Variants in SCLT1 observed in about 807,000 individuals in gnomAD.
The protein encoded by SCLT1 is sodium channel-associated protein 1.
A neutral mutation model predicts 112.8 loss-of-function variants in SCLT1; 78 were observed. The observed-to-expected ratio is 0.69, with a 90% confidence interval of 0.58 to 0.83. The LOEUF (loss-of-function observed/expected upper bound fraction) is 0.83. SCLT1 is among the 40% of genes least tolerant of loss of function. The pLI, the probability that SCLT1 is intolerant of heterozygous loss-of-function variation, is 0.00. For missense variants in SCLT1, 747 were observed against 770.4 expected, an observed-to-expected ratio of 0.97 and a Z score of 0.36; for synonymous variants, 257 against 254.7, an observed-to-expected ratio of 1.01 and a Z score of -0.09.
intron 17 of SCLT1, 100 bp downstream of exon 17, chr4:128,942,894 CAA>C: frequency 9.3e-6 from 7 of 749,834 alleles, no homozygotes; most frequent in South Asian, 3.9e-5. Context: ...GATGAGAAGG[CAA>C]AAAAAAAGGG....
chr4:128,986,496 G>A (rs1454779799), intron 9 of SCLT1, among the ~76,000 whole-genome samples: 4 of 152,182 alleles, frequency 2.6e-5, no homozygotes. Context: ...AGCAGTGGCA[G>A]CCAAAGGATT....
chr4:128,877,324 G>A (rs1414206871), intron 3 of SCLT1, among the ~76,000 whole-genome samples: 1 of 152,018 alleles, frequency 6.6e-6, no homozygotes, highest in African/African-American at 2.4e-5. Context: ...GTAGATCTGG[G>A]ATTCAATCCC....
intron 17 of SCLT1, among the ~76,000 whole-genome samples, chr4:128,937,139 G>C (rs144801709): frequency 1.3e-5 from 2 of 151,870 alleles, no homozygotes; most frequent in East Asian, 3.9e-4. Context: ...TTAGCTGGGC[G>C]TGATGGCACA....
At chr4:129,066,247 T>G (rs977561329) in intron 2 of SCLT1, among the ~76,000 whole-genome samples, 3 of 152,028 alleles carry the variant, frequency 2.0e-5, no homozygotes, top group Admixed American at 6.5e-5. Flanking sequence ...GTTTACTATG[T>G]TTTAATGACC....
intron 15 of SCLT1, among the ~76,000 whole-genome samples, chr4:128,947,522 C>T (rs919439575): frequency 6.6e-6 from 1 of 152,052 alleles, no homozygotes; most frequent in Non-Finnish European, 1.5e-5. Context: ...CGCTACATAG[C>T]TCTCCTTTGA....
intron 9 of SCLT1, among the ~76,000 whole-genome samples, chr4:128,977,900 A>G (rs1741314106): frequency 6.6e-6 from 1 of 152,130 alleles, no homozygotes; most frequent in Non-Finnish European, 1.5e-5. Context: ...ATGAATTGCG[A>G]TGGAATAAGA....
chr4:128,963,821 G>A (rs1264305021), intron 11 of SCLT1, among the ~76,000 whole-genome samples: 1 of 152,070 alleles, frequency 6.6e-6, no homozygotes, highest in African/African-American at 2.4e-5. Context: ...AAAAGGCATT[G>A]TTAATGTGGG....
intron 18 of SCLT1, among the ~76,000 whole-genome samples, chr4:128,899,331 C>G (rs1734067318): frequency 6.6e-6 from 1 of 152,208 alleles, no homozygotes; most frequent in African/African-American, 2.4e-5. Context: ...CCACCATGAT[C>G]AAGTGGGCTT....
At chr4:129,057,473 A>T (rs1749519196) in intron 2 of SCLT1, among the ~76,000 whole-genome samples, 1 of 145,332 alleles carries the variant, frequency 6.9e-6, no homozygotes, top group Non-Finnish European at 1.5e-5. Flanking sequence ...GGCGTGCGCC[A>T]TCATGCCCAG....
chr4:128,912,508 T>G (rs1735178420), intron 18 of SCLT1, among the ~76,000 whole-genome samples: 1 of 152,212 alleles, frequency 6.6e-6, no homozygotes, highest in South Asian at 2.1e-4. Context: ...GTGAAAATAC[T>G]TCAGTAGATA....
chr4:128,911,974 G>A (rs1735132473), intron 18 of SCLT1, among the ~76,000 whole-genome samples: 1 of 152,190 alleles, frequency 6.6e-6, no homozygotes, highest in Non-Finnish European at 1.5e-5. Flanking sequence ...TTTTCAGGGG[G>A]AAAGCTTTGA....
Position 128,943,043 on chromosome 4 carries a change from T to C in SCLT1, c.1585A>G (p.Ser529Gly). 1 of 1,613,140 alleles carries C rather than the reference T, an allele frequency of 6.2e-7. No individual in the cohort carries two copies. The highest frequency in any genetic ancestry group is 1.7e-5 in the Admixed American group (1 of 59,946). Residue 529 changes from serine to glycine, a missense_variant, in exon 17 of 21, where the codon AGT becomes GGT. This residue lies in a region of SCLT1 where 723 missense variants were observed against 721.3 expected (regional missense o/e 1.00). Coordinates refer to ENST00000281142, the MANE Select transcript of SCLT1 (RefSeq NM_144643.4). ...GCCTCCAGGGCAATCTTCCTTAAAC[T>C]CTCAGTCTCTTTCCGTAACTGTTTA... ...ENKQLRKETE[S>G]LRKIALEAQK...
intron 18 of SCLT1, among the ~76,000 whole-genome samples, chr4:128,922,030 C>T (rs925736955): frequency 3.3e-5 from 5 of 152,110 alleles, no homozygotes; most frequent in Non-Finnish European, 7.4e-5. Flanking sequence ...ATGCGGCCAA[C>T]AAGCATATGA....
At chr4:128,898,453 T>A (rs907353990) in intron 18 of SCLT1, among the ~76,000 whole-genome samples, 1 of 152,044 alleles carries the variant, frequency 6.6e-6, no homozygotes, top group Non-Finnish European at 1.5e-5. Flanking sequence ...AAGGCAGAAA[T>A]AAAGATGTTC....
chr4:128,973,817 G>C (rs1003797681), intron 9 of SCLT1, among the ~76,000 whole-genome samples: 2 of 151,950 alleles, frequency 1.3e-5, no homozygotes, highest in South Asian at 4.2e-4. Context: ...CTATTTTTTT[G>C]GGGGGAAATA....
At chr4:128,950,190 T>G (rs1738599445) in intron 14 of SCLT1, among the ~76,000 whole-genome samples, 1 of 152,170 alleles carries the variant, frequency 6.6e-6, no homozygotes, top group Non-Finnish European at 1.5e-5. Flanking sequence ...GGATTTTACC[T>G]ACATTCGTAA....
Position 128,952,822 on chromosome 4 carries a change from G to T in SCLT1, c.1165C>A (p.Gln389Lys). 1 of 1,557,240 alleles carries T rather than the reference G, an allele frequency of 6.4e-7. No homozygotes were observed. The highest frequency in any genetic ancestry group is 8.9e-7 in the Non-Finnish European group (1 of 1,128,592). Residue 389 changes from glutamine to lysine, a missense_variant, in exon 14 of 21, where the codon CAA becomes AAA. Around this residue, in one of 2 missense-constraint regions of SCLT1, gnomAD observed 723 missense variants for 721.3 expected, o/e 1.00. Transcript: ENST00000281142. Reference sequence around the variant, plus strand: ...AATCGAGAAATTTGTATATTACATTGTTTTTTGGTGTTTGCAACCTGTAAA... The same window carrying T: ...AATCGAGAAATTTGTATATTACATTTTTTTTTGGTGTTTGCAACCTGTAAA... ...TKKEVANTKKQCNIQISRLTE... is the reference protein window; with the variant it reads ...TKKEVANTKKKCNIQISRLTE...
intron 5 of SCLT1, among the ~76,000 whole-genome samples, chr4:129,015,367 G>A (rs72924155): frequency 0.018 from 2,749 of 152,214 alleles, 72 homozygotes; most frequent in African/African-American, 0.055. Context: ...AAGCTATGAT[G>A]TGGCTCCCAG....
chr4:129,009,474 A>T (rs974860023), intron 5 of SCLT1, among the ~76,000 whole-genome samples: 3 of 151,632 alleles, frequency 2.0e-5, no homozygotes, highest in African/African-American at 7.3e-5. Context: ...AGATCGCGCC[A>T]CTGCACTCCA....
Sources: gnomAD v4.1 joint callset for allele counts (sites outside exome capture counted in the v4.1 genomes callset) on GRCh38, gnomAD v4.1.1 for gene constraint, gnomAD v4.1.1 regional missense constraint, MANE v1.5 for transcripts, NCBI Gene and HGNC (gene_info 2026-07-23, HGNC 2026-07-21) for gene names.